Variants in PPP2R2C observed in about 807,000 individuals in gnomAD.
PPP2R2C encodes protein phosphatase 2 regulatory subunit Bgamma.
Under a neutral mutation model 45.3 loss-of-function variants are expected in PPP2R2C, and 10 were observed. The observed-to-expected ratio is 0.22, with a 90% CI of 0.14 to 0.37. The LOEUF is 0.37. Among genes scored for constraint, PPP2R2C ranks in the 10% least tolerant of loss-of-function variants. The pLI is 1.00. For synonymous variants in PPP2R2C, 257 were observed against 245.4 expected (o/e 1.05, Z -0.44); for missense variants, 308 against 619.7 (o/e 0.50, Z 5.34).
chr4:6,355,993 G>GA (rs61011461), intron 5 of PPP2R2C, among the ~76,000 whole-genome samples: 2,500 of 97,660 alleles, frequency 0.026, 114 homozygotes, highest in African/African-American at 0.082. Flanking sequence ...ACTCTGCCTG[G>GA]AAAAAAAAAA....
chr4:6,400,178 A>G (rs570755841), intron 1 of PPP2R2C, among the ~76,000 whole-genome samples: 8 of 152,156 alleles, frequency 5.3e-5, no homozygotes, highest in African/African-American at 1.9e-4. Flanking sequence ...TTCCAACTAC[A>G]TATCTGTTTG....
chr4:6,552,474 A>G (rs1168756759), intron 1 of PPP2R2C, among the ~76,000 whole-genome samples: 1 of 151,536 alleles, frequency 6.6e-6, no homozygotes, highest in Non-Finnish European at 1.5e-5. Flanking sequence ...AGCATCTTCA[A>G]ATCTCTCTCC....
chr4:6,467,310 T>C (rs970540927), intron 1 of PPP2R2C, among the ~76,000 whole-genome samples: 4 of 152,144 alleles, frequency 2.6e-5, no homozygotes, highest in African/African-American at 7.2e-5. Flanking sequence ...CTAGCCAGTC[T>C]GATGACAGTT....
intron 2 of PPP2R2C, among the ~76,000 whole-genome samples, chr4:6,514,305 T>C (rs967702876): frequency 5.9e-5 from 9 of 152,350 alleles, no homozygotes; most frequent in Non-Finnish European, 1.2e-4. Flanking sequence ...TCAATTCAAG[T>C]AGCATTTATT....
chr4:6,372,511 AG>A lies in PPP2R2C; in HGVS notation c.625+11del, dbSNP rs1308052838. 6.2e-7 allele frequency: 1 copy of A among 1,612,834 alleles called. No homozygotes were observed. Among genetic ancestry groups the A allele is most frequent in the Non-Finnish European group, 8.5e-7 (1 of 1,178,934 alleles). On this transcript the variant is annotated intron_variant, in intron 5 of 8. Transcript: ENST00000382599. ...CCGTGGGAGGCACTGGCCAGGCCAC[AG>A]TGAAGGATACTGAAGCTCCTGTCGG... is the stretch of plus-strand genomic sequence containing the variant.
intron 1 of PPP2R2C, among the ~76,000 whole-genome samples, chr4:6,537,504 T>C (rs1724665613): frequency 1.3e-5 from 2 of 151,774 alleles, no homozygotes; most frequent in South Asian, 4.2e-4. Context: ...AAAAAAAGAA[T>C]AAAATTCTGA....
chr4:6,550,038 G>A (rs78177098), intron 1 of PPP2R2C, among the ~76,000 whole-genome samples: 322 of 152,246 alleles, frequency 2.1e-3, no homozygotes, highest in Middle Eastern at 0.014. Context: ...ACCGCAGCAC[G>A]AGGTGCAGCT....
chr4:6,371,897 C>T (rs1052911487), intron 5 of PPP2R2C, among the ~76,000 whole-genome samples: 3 of 152,226 alleles, frequency 2.0e-5, no homozygotes, highest in Non-Finnish European at 4.4e-5. Context: ...GCCCACCAGC[C>T]CCCCGGCAGG....
intron 2 of PPP2R2C, among the ~76,000 whole-genome samples, chr4:6,505,892 G>A (rs564838051): frequency 2.1e-4 from 32 of 152,302 alleles, no homozygotes; most frequent in South Asian, 6.2e-4. Context: ...CTTGAACCCA[G>A]GAGGTGGAGG....
intron 1 of PPP2R2C, among the ~76,000 whole-genome samples, chr4:6,460,197 C>A (rs1161505757): frequency 2.0e-5 from 3 of 152,186 alleles, no homozygotes; most frequent in Non-Finnish European, 4.4e-5. Context: ...CCTAGAACCT[C>A]AAAATGTGAC....
intron 1 of PPP2R2C, among the ~76,000 whole-genome samples, chr4:6,544,239 GA>G (rs1724902675): frequency 6.6e-6 from 1 of 152,224 alleles, no homozygotes; most frequent in African/African-American, 2.4e-5. Flanking sequence ...CTTTTACGGT[GA>G]AAATGTTTTT....
At chr4:6,381,128 C>G in intron 1 of PPP2R2C, 34 bp from the exon 2 acceptor site, 1 of 1,554,376 alleles carries the variant, frequency 6.4e-7, no homozygotes, top group Non-Finnish European at 8.7e-7. Flanking sequence ...GAAGGGGTGG[C>G]TGTCAGAACC....
At chr4:6,397,008 C>G (rs914742590) in intron 1 of PPP2R2C, among the ~76,000 whole-genome samples, 2 of 152,204 alleles carry the variant, frequency 1.3e-5, no homozygotes, top group African/African-American at 4.8e-5. Context: ...AAAAATGTAA[C>G]TATTGACTCC....
chr4:6,557,505 A>G lies in PPP2R2C; in HGVS notation c.-59+6055T>C, dbSNP rs28607039. Among the ~76,000 whole-genome samples, 1,448 of 152,324 alleles carry G rather than the reference A, an allele frequency of 9.5e-3. 20 individuals are homozygous for G. The highest frequency in any genetic ancestry group is 0.034 in the African/African-American group (1,394 of 41,562). ...CAAGGAAGGTCTCTGGAGAGAGGACATGGAAGCTGCGACCTGAAGGATGAG... is the reference window on the plus strand; with the variant it reads ...CAAGGAAGGTCTCTGGAGAGAGGACGTGGAAGCTGCGACCTGAAGGATGAG... On this transcript the variant is annotated intron_variant, in intron 1 of 9. Coordinates refer to the PPP2R2C transcript ENST00000506140.
At chr4:6,527,167 G>C (rs11732749) in intron 2 of PPP2R2C, among the ~76,000 whole-genome samples, 63,507 of 152,044 alleles carry the variant, frequency 0.42, 13,817 homozygotes, top group East Asian at 0.64. Context: ...TTCCATTCCT[G>C]CCTAGAATTC....
chr4:6,448,434 C>A (rs764396070), intron 1 of PPP2R2C, among the ~76,000 whole-genome samples: 5 of 152,072 alleles, frequency 3.3e-5, no homozygotes, highest in Admixed American at 6.5e-5. Context: ...TGCTCTGGGA[C>A]CTTCCTGCCC....
chr4:6,386,022 T>G (rs1716181029), intron 1 of PPP2R2C, among the ~76,000 whole-genome samples: 1 of 152,210 alleles, frequency 6.6e-6, no homozygotes, highest in South Asian at 2.1e-4. Context: ...AAGTGATTAC[T>G]GTCTGCCAGG....
At chr4:6,551,562 T>C (rs1319741538) in intron 1 of PPP2R2C, among the ~76,000 whole-genome samples, 1 of 152,154 alleles carries the variant, frequency 6.6e-6, no homozygotes, top group Non-Finnish European at 1.5e-5. Context: ...GAAATGAAGC[T>C]CTGGGACACC....
intron 2 of PPP2R2C, among the ~76,000 whole-genome samples, chr4:6,534,790 C>T (rs1012565257): frequency 1.3e-5 from 2 of 152,208 alleles, no homozygotes; most frequent in African/African-American, 4.8e-5. Flanking sequence ...TGGCACTCGC[C>T]CCCAGTCGGG....
Sources: gnomAD v4.1 joint callset for allele counts (sites outside exome capture counted in the v4.1 genomes callset) on GRCh38, gnomAD v4.1.1 for gene constraint, MANE v1.5 for transcripts, NCBI Gene and HGNC (gene_info 2026-07-23, HGNC 2026-07-21) for gene names.